NRG1: variants seen among roughly 807,000 people sequenced by gnomAD.
NRG1 encodes the protein neuregulin 1.
In NRG1, 18 loss-of-function variants were observed where a neutral mutation model predicts 63.8. That is an observed-to-expected ratio of 0.28 (90% CI 0.19 to 0.42). NRG1 has a LOEUF of 0.42. NRG1 is among the 10% of genes least tolerant of loss of function. The pLI, the probability that NRG1 is intolerant of heterozygous loss-of-function variation, is 1.00. For missense variants in NRG1, 762 were observed against 814.7 expected (o/e 0.94, Z 0.79); for synonymous variants, 302 against 301.3 (o/e 1.00, Z -0.02).
chr8:32,408,258 G>A (rs1250763182), intron 1 of NRG1, among the ~76,000 whole-genome samples: 2 of 152,180 alleles, frequency 1.3e-5, no homozygotes, highest in African/African-American at 4.8e-5. Context: ...TCATTAAACT[G>A]TTTTCCTGAT....
intron 1 of NRG1, among the ~76,000 whole-genome samples, chr8:32,168,028 A>G (rs572823569): frequency 6.6e-6 from 1 of 152,152 alleles, no homozygotes; most frequent in South Asian, 2.1e-4. Context: ...CATTTAGGGG[A>G]AAAAAATATA....
At position 32,412,165 on chromosome 8, in the gene NRG1, A is replaced by G. The variant is rs573195120; in HGVS notation, c.38-183663A>G. Among the ~76,000 whole-genome samples the G allele has an allele frequency of 7.2e-5, 11 of 152,146 alleles. No homozygotes were observed. In the South Asian group the frequency reaches 2.1e-3, roughly 29 times the overall value. ...CTGACTGCTTTGAGCTGGGACATCA[A>G]TCTTCTGGCCTTCAAGCTCAAATGC... On this transcript the variant is annotated intron_variant, in intron 1 of 10. Transcript: ENST00000519301.
chr8:32,461,298 A>G (rs1172369363), intron 1 of NRG1, among the ~76,000 whole-genome samples: 1 of 152,202 alleles, frequency 6.6e-6, no homozygotes, highest in African/African-American at 2.4e-5. Flanking sequence ...CATCTCAATC[A>G]CAGTCTATGA....
At chr8:32,573,051 T>G (rs1478855750) in intron 1 of NRG1, among the ~76,000 whole-genome samples, 3 of 152,210 alleles carry the variant, frequency 2.0e-5, no homozygotes, top group African/African-American at 7.2e-5. Context: ...AAGTATATCT[T>G]AGCTTCTTCT....
chr8:32,261,357 T>TTG, intron 1 of NRG1, among the ~76,000 whole-genome samples: 1 of 89,114 alleles, frequency 1.1e-5, no homozygotes, highest in African/African-American at 4.5e-5. Context: ...ATGCTCCTAT[T>TTG]AGTGTGTGTG....
intron 1 of NRG1, among the ~76,000 whole-genome samples, chr8:32,024,916 A>C (rs906905513): frequency 6.6e-6 from 1 of 152,198 alleles, no homozygotes; most frequent in African/African-American, 2.4e-5. Context: ...GAATTGTTTG[A>C]TCCTGATTAT....
At chr8:32,272,947 T>A (rs959582580) in intron 1 of NRG1, among the ~76,000 whole-genome samples, 3 of 152,156 alleles carry the variant, frequency 2.0e-5, no homozygotes, top group Admixed American at 6.5e-5. Context: ...AGAAGCATAT[T>A]TATTGAAGTT....
At chr8:32,599,725 G>T (rs1212258434) in intron 2 of NRG1, among the ~76,000 whole-genome samples, 2 of 152,178 alleles carry the variant, frequency 1.3e-5, no homozygotes, top group East Asian at 3.8e-4. Context: ...AGATTCATAT[G>T]TAAGGACTGG....
At chr8:32,738,543 C>T (rs1006060916) in intron 6 of NRG1, among the ~76,000 whole-genome samples, 14 of 152,154 alleles carry the variant, frequency 9.2e-5, no homozygotes, top group African/African-American at 3.1e-4. Context: ...AAACTCATGC[C>T]AAAGCTTATT....
chr8:32,157,397 C>T (rs1407496008), intron 1 of NRG1, among the ~76,000 whole-genome samples: 1 of 147,428 alleles, frequency 6.8e-6, no homozygotes, highest in African/African-American at 2.5e-5. Context: ...CATGGCGGCT[C>T]ACGCCTGTAA....
chr8:31,869,509 A>G (rs956158771), intron 1 of NRG1, among the ~76,000 whole-genome samples: 1 of 152,212 alleles, frequency 6.6e-6, no homozygotes, highest in Non-Finnish European at 1.5e-5. Flanking sequence ...TCTTAAAATT[A>G]GAGCTTCACT....
At chr8:32,442,474 A>G (rs1198381880) in intron 1 of NRG1, 1 of 152,198 alleles carries the variant, frequency 6.6e-6, no homozygotes, top group East Asian at 1.9e-4. Flanking sequence ...ACAGGGAAAA[A>G]GTGAAACACT....
At chr8:31,806,847 G>T (rs916149272) in intron 1 of NRG1, among the ~76,000 whole-genome samples, 5 of 152,136 alleles carry the variant, frequency 3.3e-5, no homozygotes, top group African/African-American at 4.8e-5. Flanking sequence ...TGCATGTAAA[G>T]ATGCCTGTCA....
chr8:32,709,621 A>G (rs968629692), intron 5 of NRG1, among the ~76,000 whole-genome samples: 6 of 151,734 alleles, frequency 4.0e-5, no homozygotes, highest in Admixed American at 1.3e-4. Flanking sequence ...TGGTACTACT[A>G]TGTTGCCCAG....
chr8:31,754,225 T>C (rs1816750697), intron 1 of NRG1, among the ~76,000 whole-genome samples: 1 of 152,122 alleles, frequency 6.6e-6, no homozygotes, highest in African/African-American at 2.4e-5. Flanking sequence ...CCAAATCTCA[T>C]GTTGAATTCT....
In NRG1 at chr8:32,717,288, T is replaced by G. The variant is rs1209204750; in HGVS notation, c.503-10661T>G. On this transcript the variant is annotated intron_variant, in intron 5 of 11. Transcript: ENST00000356819. ...TTTTCTTTAAGTAAAGCACTTAAAA[T>G]TATATGTTTTTTTGAAACTGGTTTT... Among the ~76,000 whole-genome samples, 4 of 152,314 alleles carry G rather than the reference T, an allele frequency of 2.6e-5. No homozygotes were observed. In the East Asian group the frequency reaches 7.7e-4, roughly 29 times the overall value.
chr8:31,716,160 A>G (rs1342834611), intron 1 of NRG1, among the ~76,000 whole-genome samples: 1 of 152,224 alleles, frequency 6.6e-6, no homozygotes, highest in Non-Finnish European at 1.5e-5. Flanking sequence ...TGTGTATTTC[A>G]GGAGAGATTG....
chr8:31,716,374 C>T (rs892614783), intron 1 of NRG1, among the ~76,000 whole-genome samples: 1 of 152,192 alleles, frequency 6.6e-6, no homozygotes, highest in Non-Finnish European at 1.5e-5. Context: ...TTTCATTGGC[C>T]TTCCAACTCG....
At chr8:32,407,294 T>TTA (rs1226138188) in intron 1 of NRG1, among the ~76,000 whole-genome samples, 429 of 3,664 alleles carry the variant, frequency 0.12, 3 homozygotes, top group African/African-American at 0.16. Context: ...TATATATATA[T>TTA]TATATATATA....
Sources: allele counts gnomAD v4.1 joint callset (sites outside exome capture counted in the v4.1 genomes callset), GRCh38; gene constraint gnomAD v4.1.1; transcripts MANE v1.5; gene names NCBI Gene and HGNC (gene_info 2026-07-23, HGNC 2026-07-21).